The following ADCY3 variants were observed in gnomAD, a reference collection of about 807,000 sequenced individuals.
ADCY3 encodes the protein adenylate cyclase 3, also known as adenylate cyclase type 3.
In ADCY3, 70 loss-of-function variants were observed where a neutral mutation model predicts 119.4. That is an observed-to-expected ratio of 0.59 (90% confidence interval 0.48 to 0.72). ADCY3 has a LOEUF of 0.72. ADCY3 is among the 30% of genes least tolerant of loss of function. The pLI is 0.00. For synonymous variants in ADCY3, 672 were observed against 621.4 expected (o/e 1.08, Z -1.21); for missense variants, 1,238 against 1,541.6 (o/e 0.80, Z 3.30).
At chr2:24,868,279 C>T (rs933409231) in intron 3 of ADCY3, among the ~76,000 whole-genome samples, 2 of 152,048 alleles carry the variant, frequency 1.3e-5, no homozygotes, top group African/African-American at 4.8e-5. Flanking sequence ...GAAAATATGG[C>T]ATATTAAAAC....
At chr2:24,828,385 G>A (rs545185049) in intron 13 of ADCY3, among the ~76,000 whole-genome samples, 1 of 152,154 alleles carries the variant, frequency 6.6e-6, no homozygotes, top group Non-Finnish European at 1.5e-5. Context: ...AAACTCTCTC[G>A]AGTATTTTTA....
chr2:24,863,412 C>T (rs1011115916), intron 3 of ADCY3, among the ~76,000 whole-genome samples: 3 of 152,194 alleles, frequency 2.0e-5, no homozygotes, highest in Non-Finnish European at 2.9e-5. Flanking sequence ...TGTTGGAACT[C>T]GGACAGGCTC....
At chr2:24,865,927 G>A (rs1674230968) in intron 3 of ADCY3, among the ~76,000 whole-genome samples, 1 of 152,092 alleles carries the variant, frequency 6.6e-6, no homozygotes, top group Non-Finnish European at 1.5e-5. Flanking sequence ...GCAATGATGA[G>A]GGCTTTCAAG....
At chr2:24,881,052 T>C (rs1676342294) in intron 2 of ADCY3, among the ~76,000 whole-genome samples, 1 of 152,060 alleles carries the variant, frequency 6.6e-6, no homozygotes, top group Non-Finnish European at 1.5e-5. Context: ...CCTGCTGGCT[T>C]TGACCACGTG....
chr2:24,838,923 G>C, intron 7 of ADCY3: 2 of 1,491,900 alleles, frequency 1.3e-6, no homozygotes, highest in Non-Finnish European at 9.1e-7. Context: ...CTGTAAAGCA[G>C]ATCAAATGCG....
Position 24,898,930 on chromosome 2 carries a change from C to A in ADCY3, c.675+19383G>T, listed in dbSNP as rs114482669. 0.012 allele frequency among the ~76,000 whole-genome samples: 1,857 copies of A among 152,286 alleles called. 18 individuals are homozygous for A. Among genetic ancestry groups the A allele is most frequent in the Non-Finnish European group, 0.019 (1,274 of 68,016 alleles). Reference sequence around the variant, plus strand: ...CGCCAAGCACGACCACGGCAGGTGACCTGCCCTCCCTCCAGCTCCACCACC... The same window carrying A: ...CGCCAAGCACGACCACGGCAGGTGAACTGCCCTCCCTCCAGCTCCACCACC... On this transcript the variant is annotated intron_variant, in intron 2 of 21. Coordinates refer to ENST00000679454, the MANE Select transcript of ADCY3 (RefSeq NM_004036.5). The surrounding 1 kb of genome is among the most constrained non-coding windows in gnomAD (Gnocchi z 4.3).
At chr2:24,885,146 T>G (rs1676884564) in intron 2 of ADCY3, among the ~76,000 whole-genome samples, 2 of 152,160 alleles carry the variant, frequency 1.3e-5, no homozygotes, top group African/African-American at 4.8e-5. Flanking sequence ...TAAATTCCAG[T>G]TCCTCAGCCT....
At chr2:24,829,502 G>A (rs1303267190) in intron 13 of ADCY3, among the ~76,000 whole-genome samples, 1 of 128,658 alleles carries the variant, frequency 7.8e-6, no homozygotes, top group African/African-American at 3.0e-5. Flanking sequence ...CTCACTGCAA[G>A]CTCCACCTCC....
rs754953779 is a variant in ADCY3 at position 24,838,511 on chromosome 2, G to T, written c.1467C>A (p.Thr489=). Reference sequence around the variant, plus strand: ...CTGGCTTGGAGGCAATGATGAGGTAGGTTTCAATACCCTTCTCTTCTAGGT... The same window carrying T: ...CTGGCTTGGAGGCAATGATGAGGTATGTTTCAATACCCTTCTCTTCTAGGT... The part of the protein sequence containing the change: ...CDYLEEKGIE[T]YLIIASKPEV... Residue 489 remains threonine (T), a synonymous_variant, in exon 8 of 22, where the codon ACC becomes ACA. Transcript: ENST00000679454. The T allele has an allele frequency of 6.2e-7, 1 of 1,614,018 alleles. No homozygotes were observed.
chr2:24,829,277 A>G (rs535363959), intron 13 of ADCY3, among the ~76,000 whole-genome samples: 1 of 151,862 alleles, frequency 6.6e-6, no homozygotes, highest in East Asian at 1.9e-4. Flanking sequence ...TCAGCCTCCC[A>G]AAGTGCTGGA....
chr2:24,820,496 G>A (rs564203666), intron 21 of ADCY3: 3 of 1,400,712 alleles, frequency 2.1e-6, no homozygotes, highest in Non-Finnish European at 1.9e-6. Context: ...CCCAAAGGTA[G>A]GCCATATGCA....
chr2:24,835,649 C>G (rs886425945), intron 9 of ADCY3, among the ~76,000 whole-genome samples: 5 of 152,056 alleles, frequency 3.3e-5, no homozygotes, highest in Non-Finnish European at 7.4e-5. Context: ...GTCACGACTC[C>G]CTGGGGCCGG....
At position 24,820,037 on chromosome 2, in the gene ADCY3, C is replaced by T. The variant is rs747917335; in HGVS notation, c.3330G>A (p.Gly1110=). The T allele has an allele frequency of 7.5e-6, 12 of 1,608,612 alleles. No individual in the cohort carries two copies. The South Asian group carries it at 7.7e-5, about 10-fold the overall frequency. Residue 1110 remains glycine (G), a synonymous_variant, in exon 22 of 22, where the codon GGG becomes GGA. Coordinates refer to ENST00000679454, the MANE Select transcript of ADCY3 (RefSeq NM_004036.5). ...FVRRGPIFVK[G]KGELLTFFLK... ...AGAAGAAGGTCAGCAGCTCCCCCTTCCCCTTCACAAAGATGGGGCCTCGCC... is the reference window on the plus strand; with the variant it reads ...AGAAGAAGGTCAGCAGCTCCCCCTTTCCCTTCACAAAGATGGGGCCTCGCC...
Position 24,842,915 on chromosome 2 carries a change from A to G in ADCY3, c.826-531T>C, listed in dbSNP as rs1186984679. The stretch of plus-strand genomic sequence containing the variant: ...CACGGGGACACAGGTAACCATGCCC[A>G]GCACAGCGCAGCATGGCAAGTTCTG... On this transcript the variant is annotated intron_variant, in intron 3 of 21. Coordinates refer to ENST00000679454, the MANE Select transcript of ADCY3 (RefSeq NM_004036.5). The surrounding 1 kb of genome is among the most constrained non-coding windows in gnomAD (Gnocchi z 4.9). 3.3e-5 allele frequency among the ~76,000 whole-genome samples: 5 copies of G among 152,238 alleles called. No individual in the cohort carries two copies. The highest frequency in any genetic ancestry group is 1.2e-4 in the African/African-American group (5 of 41,470).
chr2:24,859,945 C>T (rs191995314), intron 3 of ADCY3, among the ~76,000 whole-genome samples: 1 of 152,300 alleles, frequency 6.6e-6, no homozygotes, highest in Non-Finnish European at 1.5e-5. Context: ...CTCTACGTGC[C>T]CTGGCTGCAG....
Position 24,872,702 on chromosome 2 carries a change from G to C in ADCY3, c.693C>G (p.Phe231Leu). ...CCACAGCGATGGCGCACAGGTAGAGGAAGACGTTGGCCAGGATCTGCACCC... is the reference window on the plus strand; with the variant it reads ...CCACAGCGATGGCGCACAGGTAGAGCAAGACGTTGGCCAGGATCTGCACCC... Reference protein sequence around the residue: ...QLLREILANVFLYLCAIAVGI... With the variant: ...QLLREILANVLLYLCAIAVGI... The change falls in exon 3 of 22, where the codon TTC becomes TTG. Residue 231 changes from phenylalanine to leucine, a missense_variant. Around this residue, in one of 7 missense-constraint regions of ADCY3, gnomAD observed 283 missense variants for 437.2 expected, o/e 0.65. Coordinates refer to ENST00000679454, the MANE Select transcript of ADCY3 (RefSeq NM_004036.5). The surrounding 1 kb of genome is among the most constrained non-coding windows in gnomAD (Gnocchi z 4.4). 6.2e-7 allele frequency: 1 copy of C among 1,614,050 alleles called. No homozygotes were observed. The highest frequency in any genetic ancestry group is 8.5e-7 in the Non-Finnish European group (1 of 1,179,938).
intron 2 of ADCY3, among the ~76,000 whole-genome samples, chr2:24,882,548 C>T (rs558101935): frequency 7.2e-5 from 11 of 152,280 alleles, no homozygotes; most frequent in South Asian, 6.2e-4. Flanking sequence ...ATTGATGTGA[C>T]CTCATTATTT....
At chr2:24,830,666 T>G (rs1669363389) in intron 13 of ADCY3, 43 bp downstream of exon 13, 1 of 1,515,064 alleles carries the variant, frequency 6.6e-7, no homozygotes, top group African/African-American at 1.4e-5. Flanking sequence ...CCTTCTCCAC[T>G]GAGAACAGGG....
chr2:24,853,926 A>T (rs1409482078), intron 3 of ADCY3, among the ~76,000 whole-genome samples: 2 of 152,242 alleles, frequency 1.3e-5, no homozygotes, highest in Non-Finnish European at 2.9e-5. Context: ...TTGAATGAGG[A>T]TATACAATAA....
Sources: gnomAD v4.1 joint callset for allele counts (sites outside exome capture counted in the v4.1 genomes callset) on GRCh38, gnomAD v4.1.1 for gene constraint, gnomAD v4.1.1 regional missense constraint, Gnocchi (gnomAD v3.1) non-coding constraint, MANE v1.5 for transcripts, NCBI Gene and HGNC (gene_info 2026-07-23, HGNC 2026-07-21) for gene names.